The following TANC1 variants were observed in gnomAD, a reference collection of about 807,000 sequenced individuals.
TANC1 encodes the protein protein TANC1.
A neutral mutation model predicts 149.7 loss-of-function variants in TANC1; 77 were observed. That is an observed-to-expected ratio of 0.51 (90% CI 0.43 to 0.62). TANC1 has a LOEUF of 0.62. TANC1 is among the 20% of genes least tolerant of loss of function. The pLI, the probability that TANC1 is intolerant of heterozygous loss-of-function variation, is 0.00. For synonymous variants in TANC1, 854 were observed against 925.0 expected (o/e 0.92, Z 1.39); for missense variants, 1,985 against 2,321.8 (o/e 0.85, Z 2.98).
intron 16 of TANC1, among the ~76,000 whole-genome samples, 189 bp from the exon 17 acceptor site, chr2:159,194,068 G>A (rs1559433853): frequency 6.6e-6 from 1 of 152,120 alleles, no homozygotes; most frequent in Non-Finnish European, 1.5e-5. Flanking sequence ...TTCCCAGTAA[G>A]CTACACTATT....
chr2:159,163,253 C>T (rs774002128), intron 7 of TANC1, 30 bp from the exon 8 acceptor site: 5 of 1,601,752 alleles, frequency 3.1e-6, no homozygotes, highest in African/African-American at 2.7e-5. Context: ...TGCCTGGCCT[C>T]CTTCAAAGTA....
rs1575205418 is a variant in TANC1 at position 159,197,673 on chromosome 2, C to G, written c.3165+880C>G. The stretch of plus-strand genomic sequence containing the variant: ...CACATATGAAAATGTAGATGTTTTC[C>G]TTTTTTTAAGTGTGAAAAGTCATCA... On this transcript the variant is annotated intron_variant, in intron 18 of 26. Transcript: ENST00000263635. Among the ~76,000 whole-genome samples, 3 of 152,002 alleles carry G rather than the reference C, an allele frequency of 2.0e-5. No individual in the cohort carries two copies. The South Asian group carries it at 6.3e-4, about 32-fold the overall frequency.
At chr2:159,198,128 C>G (rs1287156110) in intron 18 of TANC1, among the ~76,000 whole-genome samples, 2 of 152,202 alleles carry the variant, frequency 1.3e-5, no homozygotes, top group Admixed American at 6.5e-5. Context: ...CCTCTGTCCT[C>G]TGACCTGGAC....
rs556509793 is a variant in TANC1, at chr2:159,080,869, C to T, written c.61+14898C>T. Among the ~76,000 whole-genome samples, 9 of 152,328 alleles carry T rather than the reference C, an allele frequency of 5.9e-5. No individual in the cohort carries two copies. In the South Asian group the frequency reaches 1.0e-3, roughly 18 times the overall value. On this transcript the variant is annotated intron_variant, in intron 3 of 26. Transcript: ENST00000263635. ...GTGCCCTATCCCTCAGCCAGCCAGA[C>T]GGCCTCCCAACTCCTGACCAGCAGG...
At chr2:159,009,253 A>G (rs538919913) in intron 2 of TANC1, among the ~76,000 whole-genome samples, 1 of 152,320 alleles carries the variant, frequency 6.6e-6, no homozygotes, top group South Asian at 2.1e-4. Context: ...TACCAACCCC[A>G]CTACTGAGTA....
chr2:159,136,529 G>A (rs2150207247), intron 5 of TANC1, among the ~76,000 whole-genome samples: 1 of 152,314 alleles, frequency 6.6e-6, no homozygotes. Context: ...TTTAAGGATT[G>A]AGTCCTATTT....
chr2:159,098,988 T>G (rs1382644746), intron 4 of TANC1, among the ~76,000 whole-genome samples: 1 of 152,178 alleles, frequency 6.6e-6, no homozygotes, highest in Non-Finnish European at 1.5e-5. Context: ...TCTGTTTCTC[T>G]GATTTCCTGG....
chr2:159,037,488 G>T (rs2149509190), intron 2 of TANC1, among the ~76,000 whole-genome samples: 1 of 152,270 alleles, frequency 6.6e-6, no homozygotes, highest in Admixed American at 6.5e-5. Flanking sequence ...CATGGTTTTA[G>T]GTCTAACATT....
At chr2:159,062,849 C>T (rs536427191) in intron 2 of TANC1, among the ~76,000 whole-genome samples, 83 of 151,312 alleles carry the variant, frequency 5.5e-4, no homozygotes, top group Non-Finnish European at 9.5e-4. Flanking sequence ...TGCCTGTAGT[C>T]CCAGCTACTC....
At chr2:159,013,440 A>G (rs996692184) in intron 2 of TANC1, among the ~76,000 whole-genome samples, 2 of 152,248 alleles carry the variant, frequency 1.3e-5, no homozygotes, top group Non-Finnish European at 2.9e-5. Context: ...ATTTGTTGTT[A>G]TTGTTGACTG....
intron 1 of TANC1, among the ~76,000 whole-genome samples, chr2:158,971,128 G>A (rs2032814685): frequency 1.3e-5 from 2 of 152,168 alleles, no homozygotes; most frequent in Admixed American, 1.3e-4. Context: ...CATAATTTTA[G>A]AGACAATGGA....
chr2:159,174,076 A>C (rs925827549), intron 11 of TANC1, among the ~76,000 whole-genome samples: 10 of 152,314 alleles, frequency 6.6e-5, no homozygotes, highest in African/African-American at 2.2e-4. Context: ...CCCAAAAAAC[A>C]GGTAGCTCTT....
chr2:159,095,477 G>A (rs1225565380), intron 3 of TANC1, among the ~76,000 whole-genome samples: 2 of 152,084 alleles, frequency 1.3e-5, no homozygotes, highest in African/African-American at 4.8e-5. Flanking sequence ...TGTGGCTCAT[G>A]CCTGTAATCC....
At chr2:159,143,722 T>C (rs978346926) in intron 5 of TANC1, among the ~76,000 whole-genome samples, 1 of 152,112 alleles carries the variant, frequency 6.6e-6, no homozygotes, top group East Asian at 1.9e-4. Context: ...AAAGAACTGA[T>C]CCCCACAGAT....
intron 2 of TANC1, among the ~76,000 whole-genome samples, chr2:159,017,514 T>C (rs1395338364): frequency 6.6e-6 from 1 of 152,108 alleles, no homozygotes; most frequent in Non-Finnish European, 1.5e-5. Context: ...AGGAAATAAG[T>C]ATTTGCAGTG....
intron 3 of TANC1, among the ~76,000 whole-genome samples, chr2:159,072,590 T>C (rs2043248985): frequency 6.6e-6 from 1 of 152,222 alleles, no homozygotes; most frequent in African/African-American, 2.4e-5. Flanking sequence ...CTTTTCTTTC[T>C]TGAGAAAACT....
rs550821046 is a variant in TANC1, at chr2:159,127,937, C to T, written c.260-8257C>T. ...CCTACCAGATTGTGAACATTTACAT[C>T]CTCACAATGTCTTAGGCGTTGCACC... On this transcript the variant is annotated intron_variant, in intron 4 of 26. Transcript: ENST00000263635. 3.3e-5 allele frequency among the ~76,000 whole-genome samples: 5 copies of T among 152,346 alleles called. No homozygotes were observed. The East Asian group carries it at 7.7e-4, about 23-fold the overall frequency.
chr2:158,976,255 G>A (rs1048033826), intron 1 of TANC1, among the ~76,000 whole-genome samples: 1 of 152,190 alleles, frequency 6.6e-6, no homozygotes, highest in African/African-American at 2.4e-5. Context: ...TAATGTATGA[G>A]TTGACACTGG....
intron 19 of TANC1, among the ~76,000 whole-genome samples, chr2:159,214,423 G>A (rs1393742102): frequency 6.6e-6 from 1 of 152,206 alleles, no homozygotes; most frequent in South Asian, 2.1e-4. Flanking sequence ...TGGACCTTGG[G>A]ACTCCAGAGC....
Sources: gnomAD v4.1 joint callset for allele counts (sites outside exome capture counted in the v4.1 genomes callset) on GRCh38, gnomAD v4.1.1 for gene constraint, MANE v1.5 for transcripts, NCBI Gene and HGNC (gene_info 2026-07-23, HGNC 2026-07-21) for gene names.